SLC5A4: variants seen among roughly 807,000 people sequenced by gnomAD.
SLC5A4 encodes the protein probable glucose sensor protein SLC5A4.
SLC5A4 carries 55 observed loss-of-function variants against 70.3 expected under a neutral mutation model. The ratio of observed to expected loss-of-function variants is 0.78; its 90% CI spans 0.63 to 0.98. SLC5A4 has a LOEUF of 0.98. SLC5A4 is among the 50% of genes least tolerant of loss of function. The probability of loss-of-function intolerance (pLI) is 0.00; values close to 1 mark genes in which losing one functional copy is unlikely to be tolerated. For missense variants in SLC5A4, 735 were observed against 839.2 expected, an observed-to-expected ratio of 0.88 and a Z score of 1.53; for synonymous variants, 268 against 305.7, an observed-to-expected ratio of 0.88 and a Z score of 1.29.
At chr22:32,263,595 T>G in the SLC5A4 span, among the ~76,000 whole-genome samples, 9 of 152,174 alleles carry the variant, frequency 5.9e-5, no homozygotes, top group Non-Finnish European at 1.0e-4. Flanking sequence ...TTTTATACTG[T>G]TGGTGGGAGT....
At chr22:32,227,896 G>A (rs1197362754) in intron 11 of SLC5A4, among the ~76,000 whole-genome samples, 1 of 150,978 alleles carries the variant, frequency 6.6e-6, no homozygotes, top group Non-Finnish European at 1.5e-5. Flanking sequence ...GAACTCGGGA[G>A]GCAGAGGTTG....
At chr22:32,250,891 G>T (rs541970706) in intron 3 of SLC5A4, among the ~76,000 whole-genome samples, 117 of 152,048 alleles carry the variant, frequency 7.7e-4, no homozygotes, top group African/African-American at 2.7e-3. Flanking sequence ...TCATTCATAA[G>T]TAGGAGTTGA....
At chr22:32,333,146 T>A in the SLC5A4 span, among the ~76,000 whole-genome samples, 1 of 147,944 alleles carries the variant, frequency 6.8e-6, no homozygotes, top group Non-Finnish European at 1.5e-5. Context: ...GGTGTAGGAG[T>A]GGAATGAGGT....
chr22:32,322,530 G>C, the SLC5A4 span, among the ~76,000 whole-genome samples: 2 of 151,026 alleles, frequency 1.3e-5, no homozygotes, highest in Admixed American at 1.3e-4. Context: ...GGTTGCAGTT[G>C]AGCCAATATT....
the SLC5A4 span, among the ~76,000 whole-genome samples, chr22:32,301,178 A>G: frequency 0.48 from 72,830 of 151,902 alleles, 17,613 homozygotes; most frequent in Admixed American, 0.51. Flanking sequence ...GACCAGTCTG[A>G]TCTTGAACTC....
At chr22:32,230,147 TCATGGTTGTGGGCCATGA>T (rs996112900) in intron 10 of SLC5A4, among the ~76,000 whole-genome samples, 7 of 152,020 alleles carry the variant, frequency 4.6e-5, no homozygotes, top group Non-Finnish European at 5.9e-5. Flanking sequence ...GCATGTGGTG[TCATGGTTGTGGGCCATGA>T]CATGGTTGTG....
At chr22:32,261,497 C>T in the SLC5A4 span, among the ~76,000 whole-genome samples, 4 of 152,244 alleles carry the variant, frequency 2.6e-5, no homozygotes, top group Non-Finnish European at 5.9e-5. Flanking sequence ...TTCAGGCTCA[C>T]ACCCAGGGTG....
chr22:32,261,926 T>C, the SLC5A4 span, among the ~76,000 whole-genome samples: 5 of 152,216 alleles, frequency 3.3e-5, no homozygotes, highest in Non-Finnish European at 7.3e-5. Context: ...ACATGTGATG[T>C]TTGTCTTTCT....
At chr22:32,330,972 C>G in the SLC5A4 span, among the ~76,000 whole-genome samples, 1 of 1,714 alleles carries the variant, frequency 5.8e-4, no homozygotes, top group Admixed American at 6.5e-3. Context: ...GTTGGGGGCA[C>G]TGGTGTGTGT....
the SLC5A4 span, among the ~76,000 whole-genome samples, chr22:32,289,397 G>A: frequency 6.6e-6 from 1 of 152,134 alleles, no homozygotes; most frequent in Admixed American, 6.6e-5. Context: ...TGAATCATGG[G>A]GGTGGTTTCT....
the SLC5A4 span, among the ~76,000 whole-genome samples, chr22:32,324,636 G>A: frequency 6.6e-6 from 1 of 152,314 alleles, no homozygotes; most frequent in South Asian, 2.1e-4. Flanking sequence ...GTACCACACA[G>A]CACCGTAGAG....
At chr22:32,302,250 GTTTTT>G in the SLC5A4 span, among the ~76,000 whole-genome samples, 313 of 107,276 alleles carry the variant, frequency 2.9e-3, 4 homozygotes, top group African/African-American at 9.9e-3. Flanking sequence ...ACTTTTGAGT[GTTTTT>G]TTTTTTTGTG....
chr22:32,328,937 A>G, the SLC5A4 span, among the ~76,000 whole-genome samples: 2 of 152,180 alleles, frequency 1.3e-5, no homozygotes, highest in Non-Finnish European at 2.9e-5. Flanking sequence ...CTGCTTACTG[A>G]GGCCAGCAAA....
At chr22:32,302,046 T>C in the SLC5A4 span, among the ~76,000 whole-genome samples, 1 of 152,154 alleles carries the variant, frequency 6.6e-6, no homozygotes, top group African/African-American at 2.4e-5. Context: ...AGAGAACATA[T>C]GGGTAATTCT....
the SLC5A4 span, among the ~76,000 whole-genome samples, chr22:32,344,360 CTATT>C: frequency 2.6e-5 from 4 of 152,100 alleles, no homozygotes; most frequent in Admixed American, 2.6e-4. Flanking sequence ...GATGAGCCTT[CTATT>C]TCTCATTCCA....
chr22:32,319,490 A>T, the SLC5A4 span, among the ~76,000 whole-genome samples: 1 of 152,164 alleles, frequency 6.6e-6, no homozygotes, highest in African/African-American at 2.4e-5. Context: ...ACTGGAACTC[A>T]CATCATCGGC....
At chr22:32,270,705 G>C in the SLC5A4 span, 1 of 672,524 alleles carries the variant, frequency 1.5e-6, no homozygotes, top group East Asian at 2.8e-5. Flanking sequence ...GAATGAATCA[G>C]TTGTACTTCA....
At chr22:32,255,432 C>G, upstream of SLC5A4, 1 of 1,303,080 alleles carries the variant, frequency 7.7e-7, no homozygotes, top group Non-Finnish European at 1.1e-6. Context: ...TCAGAGCCAG[C>G]TCCTGGATAT....
At chr22:32,323,030 G>A in the SLC5A4 span, among the ~76,000 whole-genome samples, 1 of 152,100 alleles carries the variant, frequency 6.6e-6, no homozygotes, top group East Asian at 1.9e-4. Context: ...CTCTCCACCA[G>A]GCACTCCCTG....
Sources: allele counts gnomAD v4.1 joint callset (sites outside exome capture counted in the v4.1 genomes callset), GRCh38; gene constraint gnomAD v4.1.1; transcripts MANE v1.5; gene names NCBI Gene and HGNC (gene_info 2026-07-23, HGNC 2026-07-21).